AAMDC: variants seen among roughly 807,000 people sequenced by gnomAD.
AAMDC encodes the protein adipogenesis associated Mth938 domain containing, also known as mth938 domain-containing protein.
In AAMDC, 16 loss-of-function variants were observed where a neutral mutation model predicts 15.5. The ratio of observed to expected loss-of-function variants is 1.03; its 90% CI spans 0.70 to 1.57. The LOEUF is 1.57. Ranked by LOEUF, AAMDC falls within the 40% of genes most tolerant of loss-of-function variation. AAMDC has a pLI of 0.00. For synonymous variants in AAMDC, 51 were observed against 51.6 expected, an observed-to-expected ratio of 0.99 and a Z score of 0.05; for missense variants, 141 against 144.9, an observed-to-expected ratio of 0.97 and a Z score of 0.14.
intron 5 of AAMDC, among the ~76,000 whole-genome samples, chr11:77,896,867 G>A (rs1952547941): frequency 2.0e-5 from 3 of 150,450 alleles, no homozygotes; most frequent in African/African-American, 7.3e-5. Context: ...CCGAAGATCA[G>A]CAAGAATATT....
chr11:77,904,230 TCA>T (rs1952870899), downstream of AAMDC, among the ~76,000 whole-genome samples: 1 of 152,198 alleles, frequency 6.6e-6, no homozygotes. Context: ...TCTTATTTTC[TCA>T]GTCCTTCTGA....
intron 3 of AAMDC, among the ~76,000 whole-genome samples, 191 bp from the exon 4 acceptor site, chr11:77,871,983 GA>G (rs1565214589): frequency 6.6e-6 from 1 of 152,202 alleles, no homozygotes; most frequent in Non-Finnish European, 1.5e-5. Context: ...TGGGTATTAT[GA>G]TACCTCTGAC....
chr11:77,873,141 G>C (rs962793194), downstream of AAMDC, among the ~76,000 whole-genome samples: 3 of 152,128 alleles, frequency 2.0e-5, no homozygotes, highest in Non-Finnish European at 4.4e-5. Flanking sequence ...AAAGAACTAT[G>C]GGCTTTGGTG....
At chr11:77,882,514 C>A (rs540633568) in intron 5 of AAMDC, among the ~76,000 whole-genome samples, 124 of 152,298 alleles carry the variant, frequency 8.1e-4, no homozygotes, top group Middle Eastern at 6.8e-3. Flanking sequence ...TCCCCATGTC[C>A]GGGATCCCTT....
At chr11:77,833,232 TTTATTA>T (rs1257432701) in intron 1 of AAMDC, among the ~76,000 whole-genome samples, 1 of 151,634 alleles carries the variant, frequency 6.6e-6, no homozygotes, top group African/African-American at 2.4e-5. Context: ...GCTGTTTATT[TTTATTA>T]TTATTACATT....
chr11:77,905,112 A>G (rs1952905046), downstream of AAMDC, among the ~76,000 whole-genome samples: 1 of 152,112 alleles, frequency 6.6e-6, no homozygotes, highest in South Asian at 2.1e-4. Flanking sequence ...TCTGCCCTCA[A>G]TGTTGGCGGG....
At chr11:77,866,989 T>C (rs1219051133) in intron 2 of AAMDC, among the ~76,000 whole-genome samples, 1 of 152,006 alleles carries the variant, frequency 6.6e-6, no homozygotes, top group East Asian at 1.9e-4. Flanking sequence ...TACAGGCGCA[T>C]GTCACCACAC....
At chr11:77,849,097 C>T (rs977738375) in intron 2 of AAMDC, among the ~76,000 whole-genome samples, 2 of 151,178 alleles carry the variant, frequency 1.3e-5, no homozygotes, top group African/African-American at 2.4e-5. Context: ...AGTGCAATGG[C>T]GCCATTATTG....
chr11:77,835,401 C>T (rs1949638430), intron 1 of AAMDC, among the ~76,000 whole-genome samples: 1 of 152,040 alleles, frequency 6.6e-6, no homozygotes, highest in African/African-American at 2.4e-5. Flanking sequence ...CTATACCTGC[C>T]GTATGTTGAC....
intron 5 of AAMDC, among the ~76,000 whole-genome samples, chr11:77,899,622 A>G (rs2136432805): frequency 1.3e-5 from 2 of 152,244 alleles, no homozygotes; most frequent in South Asian, 4.2e-4. Context: ...GTGAGCTGAG[A>G]TCGGACCACT....
chr11:77,880,837 G>A (rs1951762963), intron 5 of AAMDC, among the ~76,000 whole-genome samples: 1 of 152,088 alleles, frequency 6.6e-6, no homozygotes, highest in African/African-American at 2.4e-5. Flanking sequence ...TCAGTTACTA[G>A]GGGGACTGAG....
downstream of AAMDC, chr11:77,903,596 C>T (rs780459751): frequency 1.9e-6 from 3 of 1,613,708 alleles, no homozygotes; most frequent in African/African-American, 2.7e-5. Flanking sequence ...GGGGCAGCTA[C>T]ATTCCACAAC....
Position 77,826,146 on chromosome 11 carries a change from C to T in AAMDC, c.-19+4905C>T, listed in dbSNP as rs577006061. 5.9e-5 allele frequency among the ~76,000 whole-genome samples: 9 copies of T among 152,060 alleles called. 1 individual carries two copies. The South Asian group carries it at 1.9e-3, about 32-fold the overall frequency. ...CTATAATCTCAGCACTCTGAGAGGC[C>T]GAGGTGGGAGTTCAAGACCAGCCTG... On this transcript the variant is annotated intron_variant, in intron 1 of 3. Transcript: ENST00000393427.
At chr11:77,860,556 T>C (rs1950833128) in intron 2 of AAMDC, among the ~76,000 whole-genome samples, 3 of 152,228 alleles carry the variant, frequency 2.0e-5, no homozygotes, top group Admixed American at 2.0e-4. Context: ...ACAAGGTTTC[T>C]GAAAGGGCAG....
chr11:77,858,235 C>T (rs1950713924), intron 2 of AAMDC, among the ~76,000 whole-genome samples: 1 of 149,008 alleles, frequency 6.7e-6, no homozygotes, highest in Admixed American at 6.7e-5. Context: ...TGCTCTGTCA[C>T]CCAGGCTGGA....
chr11:77,845,359 G>A (rs1263515062), intron 2 of AAMDC, among the ~76,000 whole-genome samples: 1 of 151,858 alleles, frequency 6.6e-6, no homozygotes, highest in Non-Finnish European at 1.5e-5. Flanking sequence ...ATTCTTATCT[G>A]CTGTTGAGCC....
At chr11:77,876,837 T>TA (rs1407936396), downstream of AAMDC, 1 of 600,790 alleles carries the variant, frequency 1.7e-6, no homozygotes, top group Non-Finnish European at 3.0e-6. Flanking sequence ...AGGATTTTTA[T>TA]AAAAGGGGTA....
chr11:77,842,228 T>G (rs1486612907), intron 1 of AAMDC, among the ~76,000 whole-genome samples: 2 of 152,206 alleles, frequency 1.3e-5, no homozygotes, highest in Admixed American at 6.5e-5. Context: ...CTTAATTTTA[T>G]CTCTCAAAAA....
chr11:77,836,749 T>G (rs546556303), intron 1 of AAMDC, among the ~76,000 whole-genome samples: 8 of 152,336 alleles, frequency 5.3e-5, no homozygotes, highest in African/African-American at 1.4e-4. Context: ...GTGGATCGCC[T>G]GAGGCTGGGA....
Sources: gnomAD v4.1 joint callset for allele counts (sites outside exome capture counted in the v4.1 genomes callset) on GRCh38, gnomAD v4.1.1 for gene constraint, MANE v1.5 for transcripts, NCBI Gene and HGNC (gene_info 2026-07-23, HGNC 2026-07-21) for gene names.